Variants in LINGO2 observed in about 807,000 individuals in gnomAD.
LINGO2 encodes the protein leucine rich repeat and Ig domain containing 2.
LINGO2 carries 14 observed loss-of-function variants against 30.6 expected under a neutral mutation model. That is an observed-to-expected ratio of 0.46 (90% CI 0.30 to 0.72). The LOEUF (loss-of-function observed/expected upper bound fraction) is 0.72, where lower values mean the gene tolerates loss of function less well. Among genes scored for constraint, LINGO2 ranks in the 30% least tolerant of loss-of-function variants. The probability of loss-of-function intolerance (pLI) is 0.07; values close to 1 mark genes in which losing one functional copy is unlikely to be tolerated. For missense variants in LINGO2, 729 were observed against 751.7 expected, an observed-to-expected ratio of 0.97 and a Z score of 0.35; for synonymous variants, 317 against 288.5, an observed-to-expected ratio of 1.10 and a Z score of -1.00.
rs144314663 is a variant in LINGO2, at chr9:28,103,039, C to G, written c.-86-90634G>C. 1.2e-3 allele frequency among the ~76,000 whole-genome samples: 179 copies of G among 152,252 alleles called. 4 individuals carry two copies. In the South Asian group the frequency reaches 0.03, roughly 26 times the overall value. On this transcript the variant is annotated intron_variant, in intron 4 of 5. Coordinates refer to ENST00000379992, the Ensembl canonical transcript of LINGO2. ...TTGGTTTGCCTCACTACATTTTCTA[C>G]TCAGCTTGATTCAAAACATACTTAT...
chr9:28,047,666 G>A (rs1278944618), intron 4 of LINGO2, among the ~76,000 whole-genome samples: 3 of 150,746 alleles, frequency 2.0e-5, no homozygotes, highest in African/African-American at 7.4e-5. Flanking sequence ...CTTGTGGGAG[G>A]TCTTCTATGA....
At chr9:28,615,937 A>C (rs983878333) in intron 1 of LINGO2, among the ~76,000 whole-genome samples, 1 of 152,150 alleles carries the variant, frequency 6.6e-6, no homozygotes, top group Non-Finnish European at 1.5e-5. Flanking sequence ...ACTCCATGTA[A>C]ATTTAAAAAA....
the LINGO2 span, among the ~76,000 whole-genome samples, chr9:28,861,767 A>G: frequency 6.6e-6 from 1 of 151,862 alleles, no homozygotes; most frequent in African/African-American, 2.4e-5. Flanking sequence ...GTCTCTTACC[A>G]AAAAACACAA....
chr9:29,141,184 G>C, the LINGO2 span, among the ~76,000 whole-genome samples: 2 of 151,750 alleles, frequency 1.3e-5, no homozygotes, highest in African/African-American at 4.8e-5. Flanking sequence ...TTTAAACACT[G>C]GTATCAAATT....
At chr9:29,179,817 A>G in the LINGO2 span, among the ~76,000 whole-genome samples, 2 of 152,346 alleles carry the variant, frequency 1.3e-5, no homozygotes, top group Admixed American at 6.5e-5. Context: ...ACAGTAAGTT[A>G]TAACATCTTA....
chr9:28,492,440 G>C (rs895899591), intron 1 of LINGO2, among the ~76,000 whole-genome samples: 1 of 152,126 alleles, frequency 6.6e-6, no homozygotes, highest in Non-Finnish European at 1.5e-5. Context: ...TAATATAAAT[G>C]TTGCCACCGT....
At chr9:28,445,167 C>T (rs1358436076) in intron 2 of LINGO2, among the ~76,000 whole-genome samples, 1 of 152,180 alleles carries the variant, frequency 6.6e-6, no homozygotes, top group Non-Finnish European at 1.5e-5. Context: ...TCTTAACATG[C>T]TACATTTTAT....
At chr9:28,497,087 T>TA (rs550981149) in intron 1 of LINGO2, among the ~76,000 whole-genome samples, 85 of 152,334 alleles carry the variant, frequency 5.6e-4, no homozygotes, top group Non-Finnish European at 5.7e-4. Context: ...TGGCTGCCCT[T>TA]AACATTTTTT....
intron 5 of LINGO2, among the ~76,000 whole-genome samples, chr9:27,966,888 G>A (rs2118684917): frequency 6.6e-6 from 1 of 152,166 alleles, no homozygotes; most frequent in South Asian, 2.1e-4. Flanking sequence ...TCCTTCATAA[G>A]GTTATTAAAT....
chr9:29,086,904 T>A, the LINGO2 span, among the ~76,000 whole-genome samples: 2 of 151,834 alleles, frequency 1.3e-5, no homozygotes, highest in South Asian at 4.2e-4. Flanking sequence ...TTTTTTTTTT[T>A]TTTTTTGAGA....
chr9:28,834,616 C>T, the LINGO2 span, among the ~76,000 whole-genome samples: 1 of 152,114 alleles, frequency 6.6e-6, no homozygotes, highest in Non-Finnish European at 1.5e-5. Context: ...GACAAAAATG[C>T]TTTCAAAATT....
At chr9:28,970,225 C>T in the LINGO2 span, among the ~76,000 whole-genome samples, 1 of 152,076 alleles carries the variant, frequency 6.6e-6, no homozygotes, top group Non-Finnish European at 1.5e-5. Flanking sequence ...ATGAGACATG[C>T]TACTGAAGGG....
At chr9:29,089,389 G>T in the LINGO2 span, among the ~76,000 whole-genome samples, 1 of 151,886 alleles carries the variant, frequency 6.6e-6, no homozygotes. Flanking sequence ...CTATGCAGTA[G>T]TAGTAATAGT....
intron 2 of LINGO2, among the ~76,000 whole-genome samples, chr9:28,423,693 T>G (rs1004934942): frequency 1.3e-5 from 2 of 152,128 alleles, no homozygotes; most frequent in Non-Finnish European, 2.9e-5. Context: ...TGAATTTACT[T>G]CTACTCTATG....
At chr9:28,274,641 A>G (rs111701276) in intron 4 of LINGO2, among the ~76,000 whole-genome samples, 2,055 of 152,322 alleles carry the variant, frequency 0.013, 19 homozygotes, top group Non-Finnish European at 0.021. Context: ...TTCTTGCTAA[A>G]CCAAACTGAT....
At chr9:29,212,983 A>G in the LINGO2 span, among the ~76,000 whole-genome samples, 1 of 152,192 alleles carries the variant, frequency 6.6e-6, no homozygotes, top group South Asian at 2.1e-4. Flanking sequence ...TGCGACGCAC[A>G]CAAGTCCAGG....
At chr9:28,105,436 T>A (rs968891038) in intron 4 of LINGO2, among the ~76,000 whole-genome samples, 1 of 152,170 alleles carries the variant, frequency 6.6e-6, no homozygotes, top group East Asian at 1.9e-4. Context: ...AGATAAATCA[T>A]GATAGTGAAA....
chr9:28,289,133 C>A (rs1462030157), intron 4 of LINGO2, among the ~76,000 whole-genome samples: 2 of 152,162 alleles, frequency 1.3e-5, no homozygotes, highest in African/African-American at 4.8e-5. Flanking sequence ...GACATCTTGA[C>A]ACTCTTTCTA....
chr9:28,011,790 A>T (rs1428926596), intron 5 of LINGO2, among the ~76,000 whole-genome samples: 2 of 152,210 alleles, frequency 1.3e-5, no homozygotes, highest in African/African-American at 4.8e-5. Flanking sequence ...TTCTAATGTT[A>T]TTCCTGGCAA....
Sources: gnomAD v4.1 joint callset for allele counts (sites outside exome capture counted in the v4.1 genomes callset) on GRCh38, gnomAD v4.1.1 for gene constraint, MANE v1.5 for transcripts, NCBI Gene and HGNC (gene_info 2026-07-23, HGNC 2026-07-21) for gene names.